The following ANAPC13 variants were observed in gnomAD, a reference collection of about 807,000 sequenced individuals.
The protein encoded by ANAPC13 is anaphase-promoting complex subunit 13.
In ANAPC13, 9 loss-of-function variants were observed where a neutral mutation model predicts 9.6. The observed-to-expected ratio is 0.94, with a 90% CI of 0.57 to 1.64. The LOEUF is 1.64. Ranked by LOEUF, ANAPC13 falls within the 40% of genes most tolerant of loss-of-function variation. ANAPC13 has a pLI of 0.00. For missense variants in ANAPC13, 75 were observed against 85.3 expected, an observed-to-expected ratio of 0.88 and a Z score of 0.48; for synonymous variants, 30 against 29.7, an observed-to-expected ratio of 1.01 and a Z score of -0.03.
Position 134,478,419 on chromosome 3 carries a change from A to G in ANAPC13, c.*171T>C. The G allele has an allele frequency of 1.2e-6, 1 of 830,342 alleles. No homozygotes were observed. Among genetic ancestry groups the G allele is most frequent in the Non-Finnish European group, 1.9e-6 (1 of 534,770 alleles). The allele number at this position is 830,342 out of a possible 1,614,324, so 51.4% of individuals were successfully genotyped here. On this transcript the variant is annotated 3_prime_UTR_variant, in exon 3 of 3. Coordinates refer to ENST00000354910, the MANE Select transcript of ANAPC13 (RefSeq NM_015391.4). ...GAGCGAAATATTCACCATTACTGAG[A>G]AATCTCAGTTTCTCATTCAATTTCG... is the stretch of plus-strand genomic sequence containing the variant.
chr3:134,479,148 G>T (rs1934677771), intron 2 of ANAPC13, among the ~76,000 whole-genome samples: 1 of 152,226 alleles, frequency 6.6e-6, no homozygotes. Context: ...AGGTAATTCA[G>T]ATCAAGTGCT....
chr3:134,480,941 G>A (rs1025664470), intron 2 of ANAPC13, among the ~76,000 whole-genome samples: 2 of 152,208 alleles, frequency 1.3e-5, no homozygotes, highest in South Asian at 2.1e-4. Flanking sequence ...CAAGACAAGC[G>A]AAAGGTGTGG....
rs149448575 is a variant in ANAPC13 at position 134,481,945 on chromosome 3, C to T, written c.99+861G>A. On this transcript the variant is annotated intron_variant, in intron 2 of 2. Coordinates refer to ENST00000354910, the MANE Select transcript of ANAPC13 (RefSeq NM_015391.4). ...AATGACATCTATAATTCTTATTATG[C>T]TCTCTCTTTTGACTATTTTCCTAAG... Among the ~76,000 whole-genome samples the T allele has an allele frequency of 1.0e-3, 157 of 152,322 alleles. 1 individual carries two copies. The highest frequency in any genetic ancestry group is 3.7e-3 in the African/African-American group (155 of 41,564).
At chr3:134,484,796 AT>A (rs1194405364) in intron 1 of ANAPC13, among the ~76,000 whole-genome samples, 2 of 152,110 alleles carry the variant, frequency 1.3e-5, no homozygotes, top group African/African-American at 4.8e-5. Context: ...GCCCACGTAG[AT>A]TTTCCACCTT....
Position 134,485,968 on chromosome 3 carries a change from C to T in ANAPC13, c.-44G>A. Reference sequence around the variant, plus strand: ...AACCCTTACCGGCACCCGGCCACCGCGGCAGACGCTTGCTCCTGCCACGCC... The same window carrying T: ...AACCCTTACCGGCACCCGGCCACCGTGGCAGACGCTTGCTCCTGCCACGCC... On this transcript the variant is annotated 5_prime_UTR_variant, in exon 1 of 3. Transcript: ENST00000354910. 1 of 972,466 alleles carries T rather than the reference C, an allele frequency of 1.0e-6. No homozygotes were observed. The highest frequency in any genetic ancestry group is 1.2e-6 in the Non-Finnish European group (1 of 825,808). 60.2% of individuals were successfully genotyped at this position (972,466 alleles called of 1,614,324 possible). A position where few individuals can be genotyped will look rare whatever the true frequency, so the allele number is the denominator to read the frequency against.
intron 1 of ANAPC13, chr3:134,483,223 A>T (rs1934779897): frequency 6.3e-6 from 2 of 315,286 alleles, no homozygotes; most frequent in South Asian, 1.2e-4. Flanking sequence ...TTGCATCTCA[A>T]TGTAGCTCTT....
At chr3:134,485,737 C>T (rs1249029162) in intron 1 of ANAPC13, 1 of 154,460 alleles carries the variant, frequency 6.5e-6, no homozygotes, top group African/African-American at 2.4e-5. Flanking sequence ...GGCTTCCTGC[C>T]TCAGGCAGGA....
intron 1 of ANAPC13, chr3:134,485,341 A>G (rs1054643805): frequency 2.6e-5 from 4 of 152,268 alleles, no homozygotes; most frequent in African/African-American, 9.6e-5. Flanking sequence ...GATGCCTGCA[A>G]TGCTCTTTGT....
At chr3:134,481,285 C>T (rs1346824810) in intron 2 of ANAPC13, among the ~76,000 whole-genome samples, 2 of 152,178 alleles carry the variant, frequency 1.3e-5, no homozygotes, top group Admixed American at 1.3e-4. Context: ...ATATCAAATA[C>T]CACTCTCAAT....
chr3:134,482,328 C>G (rs1934752684), intron 2 of ANAPC13, among the ~76,000 whole-genome samples: 1 of 152,226 alleles, frequency 6.6e-6, no homozygotes, highest in South Asian at 2.1e-4. Flanking sequence ...CAGAAGGCCA[C>G]TGGCCTAAAC....
At chr3:134,485,990 C>CGGGG, upstream of ANAPC13, 9 of 837,614 alleles carry the variant, frequency 1.1e-5, no homozygotes, top group African/African-American at 4.9e-5. Context: ...GCTCCTGCCA[C>CGGGG]GCCCCCCCCC....
At chr3:134,480,945 G>T (rs1296034882) in intron 2 of ANAPC13, among the ~76,000 whole-genome samples, 1 of 152,222 alleles carries the variant, frequency 6.6e-6, no homozygotes, top group Admixed American at 6.5e-5. Context: ...ACAAGCGAAA[G>T]GTGTGGATTA....
intron 2 of ANAPC13, among the ~76,000 whole-genome samples, chr3:134,482,130 C>T (rs1237121052): frequency 6.6e-6 from 1 of 152,222 alleles, no homozygotes; most frequent in Non-Finnish European, 1.5e-5. Flanking sequence ...ATACTAACTA[C>T]TCTTCTCAGG....
intron 2 of ANAPC13, chr3:134,482,592 A>G: frequency 1.8e-6 from 1 of 566,506 alleles, no homozygotes; most frequent in Admixed American, 3.0e-5. Context: ...TCCTGGCATG[A>G]CTCCTAACTG....
At chr3:134,483,124 CT>C in intron 1 of ANAPC13, 193 bp from the exon 2 acceptor site, 2 of 578,242 alleles carry the variant, frequency 3.5e-6, no homozygotes, top group Non-Finnish European at 6.2e-6. Context: ...ATAGTGTATA[CT>C]GGACAGGCAT....
chr3:134,484,786 G>A (rs1420073117), intron 1 of ANAPC13, among the ~76,000 whole-genome samples: 1 of 152,150 alleles, frequency 6.6e-6, no homozygotes, highest in Non-Finnish European at 1.5e-5. Flanking sequence ...ACTTTCGGAG[G>A]CCCACGTAGA....
chr3:134,485,991 GCCCCC>G (rs5852785), upstream of ANAPC13: 14 of 940,618 alleles, frequency 1.5e-5, no homozygotes, highest in African/African-American at 1.9e-5. Context: ...CTCCTGCCAC[GCCCCC>G]CCCCCCTCCC....
chr3:134,485,024 C>A (rs1576622427), intron 1 of ANAPC13, among the ~76,000 whole-genome samples: 2 of 152,186 alleles, frequency 1.3e-5, no homozygotes, highest in Admixed American at 1.3e-4. Context: ...GTCCCTTCTC[C>A]AAACACCTCC....
chr3:134,483,504 A>AG (rs1934786962), intron 1 of ANAPC13, among the ~76,000 whole-genome samples: 1 of 152,146 alleles, frequency 6.6e-6, no homozygotes, highest in South Asian at 2.1e-4. Context: ...CCTTTGGGGT[A>AG]GCTCCTTCCT....
Sources: allele counts gnomAD v4.1 joint callset (sites outside exome capture counted in the v4.1 genomes callset), GRCh38; gene constraint gnomAD v4.1.1; transcripts MANE v1.5; gene names NCBI Gene and HGNC (gene_info 2026-07-23, HGNC 2026-07-21).